Variants in NSFL1C observed in about 807,000 individuals in gnomAD.
The protein encoded by NSFL1C is NSFL1 cofactor.
Under a neutral mutation model 43.1 loss-of-function variants are expected in NSFL1C, and 14 were observed. That is an observed-to-expected ratio of 0.32 (90% CI 0.21 to 0.51). The LOEUF is 0.51. NSFL1C is among the 20% of genes least tolerant of loss of function. The pLI is 0.98. For missense variants in NSFL1C, 406 were observed against 472.5 expected (o/e 0.86, Z 1.30); for synonymous variants, 171 against 183.5 (o/e 0.93, Z 0.55).
intron 4 of NSFL1C, among the ~76,000 whole-genome samples, chr20:1,454,741 T>C (rs1000702182): frequency 6.6e-6 from 1 of 152,166 alleles, no homozygotes; most frequent in Non-Finnish European, 1.5e-5. Context: ...AAACAAAACA[T>C]GTATGCAGAA....
chr20:1,445,795 G>T lies in NSFL1C; in HGVS notation c.821C>A (p.Ala274Asp). The change falls in exon 8 of 9, where the codon GCC becomes GAC. Residue 274 changes from alanine (A) to aspartate (D), a missense_variant. Coordinates refer to ENST00000216879, the MANE Select transcript of NSFL1C (RefSeq NM_016143.5). ...APQVLSTSSP[A>D]QQAENEAKAS... Reference sequence around the variant, plus strand: ...TTTGGCTTCATTTTCTGCCTGTTGGGCTGGAGAGCTGGTACTCAACACCTG... The same window carrying T: ...TTTGGCTTCATTTTCTGCCTGTTGGTCTGGAGAGCTGGTACTCAACACCTG... The T allele has an allele frequency of 6.2e-7, 1 of 1,614,054 alleles. No homozygotes were observed. The highest frequency in any genetic ancestry group is 1.1e-5 in the South Asian group (1 of 91,072).
At chr20:1,457,893 G>A (rs1243407757) in intron 3 of NSFL1C, 7 of 295,282 alleles carry the variant, frequency 2.4e-5, no homozygotes, top group Non-Finnish European at 4.5e-5. Context: ...GCACGGGAAC[G>A]TAGACACCTC....
chr20:1,464,501 G>C, intron 1 of NSFL1C, 75 bp from the exon 2 acceptor site: 1 of 1,237,134 alleles, frequency 8.1e-7, no homozygotes, highest in South Asian at 1.2e-5. Context: ...GAGCACAAAG[G>C]AATACAGACA....
At chr20:1,446,553 C>A (rs1269903884) in intron 7 of NSFL1C, among the ~76,000 whole-genome samples, 1 of 152,154 alleles carries the variant, frequency 6.6e-6, no homozygotes, top group Non-Finnish European at 1.5e-5. Context: ...TACTCAAGCA[C>A]CCTTAGTTTC....
intron 8 of NSFL1C, among the ~76,000 whole-genome samples, chr20:1,445,343 G>A (rs2122799126): frequency 6.6e-6 from 1 of 152,282 alleles, no homozygotes. Flanking sequence ...CTAATTTGAT[G>A]TCTTCACAGG....
At chr20:1,444,442 G>A (rs967162042) in intron 8 of NSFL1C, among the ~76,000 whole-genome samples, 4 of 152,174 alleles carry the variant, frequency 2.6e-5, no homozygotes, top group Non-Finnish European at 5.9e-5. Context: ...TATCACAGGA[G>A]GCACTTAAAC....
chr20:1,453,412 T>C (rs545977072), intron 5 of NSFL1C, among the ~76,000 whole-genome samples: 2 of 152,330 alleles, frequency 1.3e-5, no homozygotes, highest in East Asian at 1.9e-4. Context: ...ACTAGCTATA[T>C]GGCTCTGGGC....
intron 2 of NSFL1C, among the ~76,000 whole-genome samples, chr20:1,458,668 TC>T (rs1179948456): frequency 2.0e-5 from 3 of 151,484 alleles, no homozygotes; most frequent in African/African-American, 7.3e-5. Context: ...AAGAAAGGCT[TC>T]CCAGAAAAAT....
At chr20:1,454,380 A>ATCATTG in intron 4 of NSFL1C, 75 bp from the exon 5 acceptor site, 2 of 1,017,004 alleles carry the variant, frequency 2.0e-6, no homozygotes, top group Non-Finnish European at 3.1e-6. Flanking sequence ...AATGATATAT[A>ATCATTG]TATCTTAGGT....
chr20:1,464,673 C>T (rs1401072255), intron 1 of NSFL1C, among the ~76,000 whole-genome samples: 1 of 152,194 alleles, frequency 6.6e-6, no homozygotes, highest in African/African-American at 2.4e-5. Context: ...ACTCTTTATT[C>T]TCATTTTATG....
intron 3 of NSFL1C, 150 bp from the exon 4 acceptor site, chr20:1,455,282 A>C: frequency 1.1e-6 from 1 of 880,424 alleles, no homozygotes; most frequent in Non-Finnish European, 1.9e-6. Flanking sequence ...GGAAGGAGGC[A>C]AGCAGGTAAA....
chr20:1,458,525 T>C (rs2090348812), intron 2 of NSFL1C, among the ~76,000 whole-genome samples: 1 of 152,218 alleles, frequency 6.6e-6, no homozygotes, highest in Non-Finnish European at 1.5e-5. Flanking sequence ...CAATTTAAGC[T>C]GCCCTGGCTT....
intron 2 of NSFL1C, among the ~76,000 whole-genome samples, chr20:1,458,546 T>C (rs2090349144): frequency 6.6e-6 from 1 of 152,146 alleles, no homozygotes; most frequent in Non-Finnish European, 1.5e-5. Flanking sequence ...TAATAAAAAC[T>C]AGAAAGTATT....
chr20:1,464,463 A>G, intron 1 of NSFL1C, 37 bp from the exon 2 acceptor site: 1 of 1,544,566 alleles, frequency 6.5e-7, no homozygotes, highest in Admixed American at 1.7e-5. Context: ...ACCCTTAAAC[A>G]GGCCTTCACC....
Position 1,464,235 on chromosome 20 carries a change from G to C in NSFL1C, c.203+94C>G, listed in dbSNP as rs575993233. On this transcript the variant is annotated intron_variant, in intron 2 of 8. Transcript: ENST00000216879. ...AGTCTAACCTTCTCATTCAGACCTG[G>C]TCCACACACCCAGGCCTGAACGCTC... The C allele has an allele frequency of 3.8e-6, 4 of 1,041,712 alleles. No individual in the cohort carries two copies. The East Asian group carries it at 9.5e-5, about 25-fold the overall frequency. 64.5% of individuals were successfully genotyped at this position (1,041,712 alleles called of 1,614,324 possible).
intron 2 of NSFL1C, among the ~76,000 whole-genome samples, chr20:1,458,766 G>T (rs2090353096): frequency 6.6e-6 from 1 of 152,182 alleles, no homozygotes; most frequent in African/African-American, 2.4e-5. Context: ...AGCATTATAG[G>T]AAAGCAGCAT....
Position 1,445,757 on chromosome 20 carries a change from T to C in NSFL1C, c.859A>G (p.Ile287Val), listed in dbSNP as rs150458307. 1.2e-5 allele frequency: 19 copies of C among 1,613,942 alleles called. No individual in the cohort carries two copies. In the African/African-American group the frequency reaches 1.7e-4, roughly 15 times the overall value. Residue 287 changes from isoleucine (I) to valine (V), a missense_variant, in exon 8 of 9, where the codon ATC becomes GTC. Around this residue, in one of 3 missense-constraint regions of NSFL1C, gnomAD observed 196 missense variants for 228.0 expected, o/e 0.86. Transcript: ENST00000216879. ...GTAGGCTCTGATTCGTCGATTAAGA[T>C]GGAAGAGCTGGCTTTGGCTTCATTT... ...AENEAKASSS[I>V]LIDESEPTTN...
chr20:1,462,231 A>G (rs1246075022), intron 2 of NSFL1C, among the ~76,000 whole-genome samples: 2 of 152,216 alleles, frequency 1.3e-5, no homozygotes, highest in African/African-American at 4.8e-5. Context: ...CTGCCAGGTC[A>G]AAGCAGAGGC....
Position 1,454,971 on chromosome 20 carries a change from G to T in NSFL1C, c.440C>A (p.Pro147Gln), listed in dbSNP as rs558917051. ...GACAATGACCCTTATACTCACTCTCGGTTTACTGGTCTCTCCAGGGCTCTT... is the reference window on the plus strand; with the variant it reads ...GACAATGACCCTTATACTCACTCTCTGTTTACTGGTCTCTCCAGGGCTCTT... ...VTKSPGETSK[P>Q]RPFAGGGYRL... Residue 147 changes from proline to glutamine, a missense_variant, in exon 4 of 9, where the codon CCG becomes CAG. This residue lies in a region of NSFL1C where 203 missense variants were observed against 216.3 expected (regional missense o/e 0.94). Coordinates refer to ENST00000216879, the MANE Select transcript of NSFL1C (RefSeq NM_016143.5). 69 of 1,613,282 alleles carry T rather than the reference G, an allele frequency of 4.3e-5. No homozygotes were observed. The highest frequency in any genetic ancestry group is 2.7e-4 in the South Asian group (25 of 91,040).
Sources: allele counts gnomAD v4.1 joint callset (sites outside exome capture counted in the v4.1 genomes callset), GRCh38; gene constraint gnomAD v4.1.1; regional missense constraint gnomAD v4.1.1; transcripts MANE v1.5; gene names NCBI Gene and HGNC (gene_info 2026-07-23, HGNC 2026-07-21).